The following MRC1 variants were observed in gnomAD, a reference collection of about 807,000 sequenced individuals.
MRC1 encodes macrophage mannose receptor 1.
A neutral mutation model predicts 102.9 loss-of-function variants in MRC1; 62 were observed. That is an observed-to-expected ratio of 0.60 (90% CI 0.49 to 0.74). The LOEUF is 0.74. MRC1 is among the 30% of genes least tolerant of loss of function. The pLI is 0.00. For synonymous variants in MRC1, 457 were observed against 298.4 expected, an observed-to-expected ratio of 1.53 and a Z score of -5.48; for missense variants, 1,237 against 862.8, an observed-to-expected ratio of 1.43 and a Z score of -5.43.
chr10:17,817,499 T>C (rs1006593291), intron 1 of MRC1, among the ~76,000 whole-genome samples: 4 of 152,198 alleles, frequency 2.6e-5, no homozygotes, highest in African/African-American at 4.8e-5. Context: ...AGGAAACTTA[T>C]GTCTTTTGTT....
rs782450598 is a variant in MRC1, at chr10:17,833,797, C to T, written c.760C>T (p.Leu254Phe). Residue 254 changes from leucine (L) to phenylalanine (F), a missense_variant, in exon 4 of 30, where the codon CTC becomes TTC. Transcript: ENST00000569591. ...RKSCQQQNAE[L>F]LSITEIHEQT... ...AAGCTGCCAACAACAGAACGCTGAG[C>T]TCCTGAGCATCACAGAGATTCATGA... 1 of 780,992 alleles carries T rather than the reference C, an allele frequency of 1.3e-6. No homozygotes were observed. Among genetic ancestry groups the T allele is most frequent in the Non-Finnish European group, 2.4e-6 (1 of 418,156 alleles). The allele number at this position is 780,992 out of a possible 1,614,324, so 48.4% of individuals were successfully genotyped here.
In MRC1 at chr10:17,827,372, C is replaced by CAAAAAAAAAAAAAA. The variant is rs782616938; in HGVS notation, c.464-145_464-132dup. Among the ~76,000 whole-genome samples the CAAAAAAAAAAAAAA allele has an allele frequency of 4.4e-4, 28 of 64,030 alleles. 12 individuals carry two copies. The highest frequency in any genetic ancestry group is 2.8e-3 in the East Asian group (4 of 1,426). 42.0% of individuals were successfully genotyped at this position (64,030 alleles called of 152,430 possible). ...TAGAAGGAGAAGGAAAAAAAATACC[C>CAAAAAAAAAAAAAA]AAAAAAAAAAAAAAAAAAAAAAAAA... is the stretch of plus-strand genomic sequence containing the variant. On this transcript the variant is annotated intron_variant, in intron 2 of 29. Coordinates refer to ENST00000569591, the MANE Select transcript of MRC1 (RefSeq NM_002438.4).
intron 21 of MRC1, among the ~76,000 whole-genome samples, chr10:17,882,152 T>A (rs1833529676): frequency 6.6e-6 from 1 of 152,046 alleles, no homozygotes; most frequent in Non-Finnish European, 1.5e-5. Flanking sequence ...GACTTGCCCT[T>A]TGAGGAGGGT....
At chr10:17,870,608 T>A (rs1379424707) in intron 13 of MRC1, among the ~76,000 whole-genome samples, 1 of 152,214 alleles carries the variant, frequency 6.6e-6, no homozygotes, top group Non-Finnish European at 1.5e-5. Flanking sequence ...TAATACGTAT[T>A]TGTCTTTCAA....
At chr10:17,846,625 T>C (rs1411750141) in intron 6 of MRC1, among the ~76,000 whole-genome samples, 1 of 152,220 alleles carries the variant, frequency 6.6e-6, no homozygotes, top group African/African-American at 2.4e-5. Flanking sequence ...AGTTATTCTG[T>C]GACTATATAA....
chr10:17,816,043 C>G (rs537237997), intron 1 of MRC1, among the ~76,000 whole-genome samples: 1 of 152,120 alleles, frequency 6.6e-6, no homozygotes, highest in South Asian at 2.1e-4. Context: ...AGGCTGATCT[C>G]GAACTCCTGA....
chr10:17,852,800 C>G (rs1838936239), intron 7 of MRC1, among the ~76,000 whole-genome samples, 167 bp from the exon 8 acceptor site: 1 of 152,162 alleles, frequency 6.6e-6, no homozygotes, highest in Non-Finnish European at 1.5e-5. Flanking sequence ...TCTAAGTCGA[C>G]AGCATGTAGG....
chr10:17,894,142 T>C, intron 22 of MRC1, 68 bp from the exon 23 acceptor site: 2 of 856,830 alleles, frequency 2.3e-6, no homozygotes, highest in East Asian at 2.4e-5. Context: ...TTTTTGCTTA[T>C]TAATGAATTG....
rs931801700 is a variant in MRC1, at chr10:17,830,885, T to C, written c.638-2790T>C. On this transcript the variant is annotated intron_variant, in intron 3 of 29. Coordinates refer to ENST00000569591, the MANE Select transcript of MRC1 (RefSeq NM_002438.4). ...CTTTTTTATGTCTCACATTTTCTAC[T>C]ATATATATATATATATTTTTGGAGA... Among the ~76,000 whole-genome samples, 48 of 56,944 alleles carry C rather than the reference T, an allele frequency of 8.4e-4. 4 individuals are homozygous for C. The highest frequency in any genetic ancestry group is 6.3e-3 in the African/African-American group (48 of 7,592). 37.4% of individuals were successfully genotyped at this position (56,944 alleles called of 152,430 possible).
intron 12 of MRC1, 91 bp from the exon 13 acceptor site, chr10:17,870,155 A>C (rs1291432729): frequency 1.4e-6 from 1 of 712,950 alleles, no homozygotes; most frequent in Non-Finnish European, 2.6e-6. Flanking sequence ...GTTTTTCTGT[A>C]AATGAACTCT....
At chr10:17,829,605 A>G (rs1554838915) in intron 3 of MRC1, among the ~76,000 whole-genome samples, 3 of 151,546 alleles carry the variant, frequency 2.0e-5, no homozygotes, top group Non-Finnish European at 2.9e-5. Context: ...AAACACATTG[A>G]GCAATTTTTT....
chr10:17,841,194 A>G (rs1455927299), intron 5 of MRC1, among the ~76,000 whole-genome samples: 2 of 152,384 alleles, frequency 1.3e-5, no homozygotes, highest in East Asian at 1.9e-4. Context: ...GACTTTGTCA[A>G]CATCCTTGAG....
intron 3 of MRC1, among the ~76,000 whole-genome samples, chr10:17,832,658 G>C (rs962958235): frequency 1.4e-5 from 2 of 145,974 alleles, no homozygotes; most frequent in Non-Finnish European, 3.0e-5. Context: ...CGCGATCTCG[G>C]CTCACTGCAA....
At chr10:17,824,018 A>T (rs1477690330) in intron 2 of MRC1, among the ~76,000 whole-genome samples, 1 of 152,338 alleles carries the variant, frequency 6.6e-6, no homozygotes, top group East Asian at 1.9e-4. Flanking sequence ...TCAGAAGATT[A>T]TAAAATCTCT....
At chr10:17,854,704 T>C in intron 8 of MRC1, 1 of 224,826 alleles carries the variant, frequency 4.4e-6, no homozygotes, top group Non-Finnish European at 9.0e-6. Flanking sequence ...TATTTATTTA[T>C]TGAGACAGAG....
chr10:17,812,732 C>A (rs1208254689), intron 1 of MRC1, among the ~76,000 whole-genome samples: 1 of 151,896 alleles, frequency 6.6e-6, no homozygotes, highest in Admixed American at 6.6e-5. Flanking sequence ...CCACCACACC[C>A]GGCTAATTTT....
chr10:17,890,762 G>A (rs1171193547), intron 22 of MRC1, among the ~76,000 whole-genome samples: 14 of 152,138 alleles, frequency 9.2e-5, no homozygotes, highest in Non-Finnish European at 1.9e-4. Context: ...TACAGTGCAG[G>A]GGTCTGCAAC....
intron 12 of MRC1, among the ~76,000 whole-genome samples, chr10:17,868,568 C>T (rs1441432529): frequency 1.3e-5 from 2 of 152,190 alleles, no homozygotes; most frequent in African/African-American, 4.8e-5. Flanking sequence ...GAGTCAAACC[C>T]TGTTACCTAC....
intron 29 of MRC1, 74 bp from the exon 30 acceptor site, chr10:17,910,141 C>T: frequency 1.3e-6 from 1 of 770,688 alleles, no homozygotes. Flanking sequence ...AGTTTTTCAA[C>T]AAGCGAAGTT....
Sources: gnomAD v4.1 joint callset for allele counts (sites outside exome capture counted in the v4.1 genomes callset) on GRCh38, gnomAD v4.1.1 for gene constraint, MANE v1.5 for transcripts, NCBI Gene and HGNC (gene_info 2026-07-23, HGNC 2026-07-21) for gene names.